The following UNC13B variants were observed in gnomAD, a reference collection of about 807,000 sequenced individuals.
The protein encoded by UNC13B is unc-13 homolog B, also known as protein unc-13 homolog B.
A neutral mutation model predicts 211.0 loss-of-function variants in UNC13B; 144 were observed. The observed-to-expected ratio is 0.68, with a 90% CI of 0.60 to 0.78. UNC13B has a LOEUF of 0.78. Among genes scored for constraint, UNC13B ranks in the 30% least tolerant of loss-of-function variants. The probability of loss-of-function intolerance (pLI) is 0.00; values close to 1 mark genes in which losing one functional copy is unlikely to be tolerated. For missense variants in UNC13B, 1,777 were observed against 2,002.0 expected, an observed-to-expected ratio of 0.89 and a Z score of 2.14; for synonymous variants, 709 against 725.8, an observed-to-expected ratio of 0.98 and a Z score of 0.37.
intron 1 of UNC13B, among the ~76,000 whole-genome samples, chr9:35,179,347 T>C (rs979395416): frequency 1.3e-5 from 2 of 152,118 alleles, no homozygotes; most frequent in Non-Finnish European, 2.9e-5. Context: ...TTTAATATTT[T>C]CATAAAAAAT....
At chr9:35,193,385 A>G (rs1467262684) in intron 1 of UNC13B, among the ~76,000 whole-genome samples, 5 of 152,170 alleles carry the variant, frequency 3.3e-5, no homozygotes, top group Admixed American at 2.6e-4. Context: ...GTGGTGGCTC[A>G]TGCCTGTAAT....
At chr9:35,221,568 G>A (rs1824566523) in intron 1 of UNC13B, among the ~76,000 whole-genome samples, 1 of 152,112 alleles carries the variant, frequency 6.6e-6, no homozygotes, top group Non-Finnish European at 1.5e-5. Flanking sequence ...TCTTTGCTGT[G>A]CTGAAGATAT....
chr9:35,305,187 C>A lies in UNC13B; in HGVS notation c.5783C>A (p.Ser1928Ter). ...SLKLFSQEES[S>*]VSMTANEKQS... The stretch of plus-strand genomic sequence containing the variant: ...AAACTCTTCAGTCAAGAAGAATCGT[C>A]AGTTAGTATGACAGCAAATGAAAAA... The change falls in exon 9 of 40, where the codon TCA becomes TAA. Residue 1928 changes from serine to a stop codon, truncating the protein, a stop_gained. Coordinates refer to ENST00000635942, the MANE Select transcript of UNC13B (RefSeq NM_001371189.2). LOFTEE classifies it high-confidence loss of function. The A allele has an allele frequency of 2.5e-6, 1 of 398,826 alleles. No individual in the cohort carries two copies. The highest frequency in any genetic ancestry group is 1.3e-4 in the South Asian group (1 of 7,846). 24.7% of individuals were successfully genotyped at this position (398,826 alleles called of 1,614,324 possible). A position where few individuals can be genotyped will look rare whatever the true frequency, so the allele number is the denominator to read the frequency against.
chr9:35,366,053 C>G (rs549297869), intron 11 of UNC13B, among the ~76,000 whole-genome samples: 1 of 152,288 alleles, frequency 6.6e-6, no homozygotes, highest in South Asian at 2.1e-4. Flanking sequence ...AATTCTGCCT[C>G]CCTTCTGGAG....
chr9:35,290,050 A>T (rs1473315085), intron 7 of UNC13B, among the ~76,000 whole-genome samples: 2 of 152,206 alleles, frequency 1.3e-5, no homozygotes, highest in African/African-American at 4.8e-5. Context: ...GCCTATTTTT[A>T]ATGATTTCTT....
rs559085771 is a variant in UNC13B at position 35,326,269 on chromosome 9, T to C, written c.9414+12280T>C. Among the ~76,000 whole-genome samples the C allele has an allele frequency of 2.6e-5, 4 of 152,332 alleles. No homozygotes were observed. In the South Asian group the frequency reaches 6.2e-4, roughly 24 times the overall value. On this transcript the variant is annotated intron_variant, in intron 11 of 39. Coordinates refer to ENST00000635942, the MANE Select transcript of UNC13B (RefSeq NM_001371189.2). Reference sequence around the variant, plus strand: ...GCTTATTGGCCATTTTTATATCTTCTTTGGAGTTTAGTAGTCTCCTCTTAA... The same window carrying C: ...GCTTATTGGCCATTTTTATATCTTCCTTGGAGTTTAGTAGTCTCCTCTTAA...
chr9:35,177,813 A>G (rs1821720976), intron 1 of UNC13B, among the ~76,000 whole-genome samples: 1 of 152,234 alleles, frequency 6.6e-6, no homozygotes, highest in South Asian at 2.1e-4. Flanking sequence ...GCATGATGCA[A>G]GACACAAATG....
rs977168517 is a variant in UNC13B at position 35,405,065 on chromosome 9, A to G, written c.*1032A>G. 7.9e-5 allele frequency: 12 copies of G among 152,566 alleles called. No homozygotes were observed. The highest frequency in any genetic ancestry group is 2.0e-4 in the Admixed American group (3 of 15,268). The allele number at this position is 152,566 out of a possible 1,614,324, so 9.5% of individuals were successfully genotyped here. ...ACTCTGATCCCTCTGTACAGGCTGG[A>G]TGGAAGGGGCCCTCCACACTTCCTG... On this transcript the variant is annotated 3_prime_UTR_variant, in exon 40 of 40. Coordinates refer to ENST00000635942, the MANE Select transcript of UNC13B (RefSeq NM_001371189.2).
chr9:35,390,049 T>C, intron 25 of UNC13B, 76 bp downstream of exon 25: 1 of 1,588,036 alleles, frequency 6.3e-7, no homozygotes, highest in Non-Finnish European at 8.6e-7. Flanking sequence ...TTCTTTCCTG[T>C]CTCTGTATGT....
intron 1 of UNC13B, among the ~76,000 whole-genome samples, chr9:35,214,314 C>T (rs972145336): frequency 1.2e-4 from 19 of 152,062 alleles, no homozygotes; most frequent in Non-Finnish European, 4.4e-5. Context: ...GTAATCCCAG[C>T]TACTGAGTAG....
rs922684961 is a variant in UNC13B, at chr9:35,202,793, C to CT, written c.23-25205dup. Among the ~76,000 whole-genome samples, 465 of 131,518 alleles carry CT rather than the reference C, an allele frequency of 3.5e-3. 2 individuals are homozygous for CT. Among genetic ancestry groups the CT allele is most frequent in the South Asian group, 0.019 (79 of 4,074 alleles). The allele number at this position is 131,518 out of a possible 152,430, so 86.3% of individuals were successfully genotyped here. A position where few individuals can be genotyped will look rare whatever the true frequency, so the allele number is the denominator to read the frequency against. On this transcript the variant is annotated intron_variant, in intron 1 of 39. Coordinates refer to ENST00000635942, the MANE Select transcript of UNC13B (RefSeq NM_001371189.2). ...AATACAGCACACTGATGGGTCTTGA[C>CT]TTTTTTTTTTTTTTTTTGAGACAGA...
chr9:35,251,437 A>G (rs1368511696), intron 6 of UNC13B, among the ~76,000 whole-genome samples: 1 of 152,124 alleles, frequency 6.6e-6, no homozygotes, highest in African/African-American at 2.4e-5. Flanking sequence ...AAATACAAAA[A>G]TTAGCTTGGC....
chr9:35,269,669 A>G (rs1827767715), intron 7 of UNC13B, among the ~76,000 whole-genome samples: 1 of 152,176 alleles, frequency 6.6e-6, no homozygotes, highest in Admixed American at 6.5e-5. Context: ...CTCAGGTATG[A>G]TTGAAAGGGG....
chr9:35,265,236 G>C (rs1447869361), intron 7 of UNC13B, among the ~76,000 whole-genome samples: 2 of 152,208 alleles, frequency 1.3e-5, no homozygotes, highest in Non-Finnish European at 2.9e-5. Flanking sequence ...CATAGGACCT[G>C]TGAGGAAGTG....
chr9:35,254,928 TATA>T (rs1230119170), intron 6 of UNC13B, among the ~76,000 whole-genome samples: 9 of 122,080 alleles, frequency 7.4e-5, no homozygotes, highest in East Asian at 6.3e-4. Flanking sequence ...ACATATATAA[TATA>T]ATATATATTA....
At chr9:35,321,725 T>G (rs1183746679) in intron 11 of UNC13B, among the ~76,000 whole-genome samples, 4 of 152,182 alleles carry the variant, frequency 2.6e-5, no homozygotes, top group African/African-American at 9.7e-5. Flanking sequence ...GGTCTTGAAC[T>G]CTTAGCCTCA....
chr9:35,335,616 C>T (rs939875869), intron 11 of UNC13B, among the ~76,000 whole-genome samples: 1 of 152,054 alleles, frequency 6.6e-6, no homozygotes, highest in Non-Finnish European at 1.5e-5. Flanking sequence ...TGAAAACCAA[C>T]CTCCTGGAGC....
At chr9:35,174,970 G>A (rs1258750618) in intron 1 of UNC13B, among the ~76,000 whole-genome samples, 3 of 152,050 alleles carry the variant, frequency 2.0e-5, no homozygotes, top group Admixed American at 6.6e-5. Flanking sequence ...ACCGTGCCCT[G>A]CCATTTGTGT....
intron 11 of UNC13B, chr9:35,352,691 C>T: frequency 8.1e-7 from 1 of 1,232,088 alleles, no homozygotes; most frequent in Non-Finnish European, 1.0e-6. Flanking sequence ...AAGTGATGTG[C>T]CCAAGCTAGG....
Sources: gnomAD v4.1 joint callset for allele counts (sites outside exome capture counted in the v4.1 genomes callset) on GRCh38, gnomAD v4.1.1 for gene constraint, MANE v1.5 for transcripts, NCBI Gene and HGNC (gene_info 2026-07-23, HGNC 2026-07-21) for gene names.